GFRA1: variants seen among roughly 807,000 people sequenced by gnomAD.
GFRA1 encodes GDNF family receptor alpha-1.
GFRA1 carries 16 observed loss-of-function variants against 51.6 expected under a neutral mutation model. That is an observed-to-expected ratio of 0.31 (90% CI 0.21 to 0.47). The LOEUF (loss-of-function observed/expected upper bound fraction) is 0.47, where lower values mean the gene tolerates loss of function less well. Among genes scored for constraint, GFRA1 ranks in the 20% least tolerant of loss-of-function variants. The pLI, the probability that GFRA1 is intolerant of heterozygous loss-of-function variation, is 1.00. For missense variants in GFRA1, 530 were observed against 594.3 expected, an observed-to-expected ratio of 0.89 and a Z score of 1.13; for synonymous variants, 270 against 241.3, an observed-to-expected ratio of 1.12 and a Z score of -1.10.
intron 5 of GFRA1, among the ~76,000 whole-genome samples, chr10:116,153,058 C>A (rs1044276920): frequency 6.6e-6 from 1 of 152,278 alleles, no homozygotes; most frequent in East Asian, 1.9e-4. Flanking sequence ...ATCCATTCAT[C>A]CATCCAACAA....
At chr10:116,249,114 C>A (rs1258795216) in intron 4 of GFRA1, among the ~76,000 whole-genome samples, 1 of 152,254 alleles carries the variant, frequency 6.6e-6, no homozygotes, top group Non-Finnish European at 1.5e-5. Flanking sequence ...AGCCTCATCA[C>A]CGGTGCTCAG....
At chr10:116,185,475 G>T (rs1314926362) in intron 5 of GFRA1, among the ~76,000 whole-genome samples, 1 of 152,066 alleles carries the variant, frequency 6.6e-6, no homozygotes, top group East Asian at 1.9e-4. Flanking sequence ...TGCACCTGTG[G>T]CCCTCAAAGG....
At position 116,166,780 on chromosome 10, in the gene GFRA1, C is replaced by CTTCTTTTTTT. The variant is rs1267031089; in HGVS notation, c.434-41224_434-41223insAAAAAAAGAA. ...TCCCTTGAAGGATAGCAACAATCTT[C>CTTCTTTTTTT]TTTTTTTTTTTTTTTTTTTTTTTTT... On this transcript the variant is annotated intron_variant, in intron 5 of 10. Coordinates refer to ENST00000355422, the MANE Select transcript of GFRA1 (RefSeq NM_005264.8). Among the ~76,000 whole-genome samples, 12 of 76,446 alleles carry CTTCTTTTTTT rather than the reference C, an allele frequency of 1.6e-4. 1 individual carries two copies. Among genetic ancestry groups the CTTCTTTTTTT allele is most frequent in the African/African-American group, 6.5e-4 (11 of 17,022 alleles). The allele number at this position is 76,446 out of a possible 152,430, so 50.2% of individuals were successfully genotyped here.
intron 6 of GFRA1, among the ~76,000 whole-genome samples, chr10:116,124,693 G>A (rs59898368): frequency 0.053 from 8,041 of 152,228 alleles, 729 homozygotes; most frequent in African/African-American, 0.18. Flanking sequence ...GATGAGCTAA[G>A]TGGGAAGGTG....
chr10:116,086,553 T>A (rs1412671161), intron 9 of GFRA1, among the ~76,000 whole-genome samples: 1 of 152,142 alleles, frequency 6.6e-6, no homozygotes, highest in Admixed American at 6.5e-5. Context: ...CCTGCCCTTA[T>A]CCCTTATTCC....
At position 116,085,018 on chromosome 10, in the gene GFRA1, A is replaced by G. The variant is rs367730404; in HGVS notation, c.1197+4723T>C. Among the ~76,000 whole-genome samples, 9 of 152,322 alleles carry G rather than the reference A, an allele frequency of 5.9e-5. No homozygotes were observed. The East Asian group carries it at 1.2e-3, about 20-fold the overall frequency. On this transcript the variant is annotated intron_variant, in intron 9 of 10. Transcript: ENST00000355422. ...GACTGCCAATTAATCCTGAAATGGGAGCTTGGCGGGTAACCCAAAACCCGG... is the reference window on the plus strand; with the variant it reads ...GACTGCCAATTAATCCTGAAATGGGGGCTTGGCGGGTAACCCAAAACCCGG...
chr10:116,167,001 G>A (rs998921628), intron 5 of GFRA1, among the ~76,000 whole-genome samples: 2 of 151,390 alleles, frequency 1.3e-5, no homozygotes, highest in African/African-American at 4.9e-5. Context: ...GGGTTTCATC[G>A]TGTTAGCCAG....
intron 5 of GFRA1, among the ~76,000 whole-genome samples, chr10:116,166,109 C>T (rs775561901): frequency 7.9e-5 from 12 of 152,160 alleles, no homozygotes; most frequent in Non-Finnish European, 1.6e-4. Flanking sequence ...CCATCCATGC[C>T]CCTTCAAAGG....
At chr10:116,119,866 A>T (rs1334470416) in intron 6 of GFRA1, among the ~76,000 whole-genome samples, 1 of 152,262 alleles carries the variant, frequency 6.6e-6, no homozygotes, top group East Asian at 1.9e-4. Context: ...CAGTTGCCTG[A>T]TCGACCAACT....
chr10:116,209,321 G>A (rs1337859793), intron 5 of GFRA1, among the ~76,000 whole-genome samples: 1 of 152,170 alleles, frequency 6.6e-6, no homozygotes, highest in Non-Finnish European at 1.5e-5. Context: ...AACATCTGAT[G>A]TTGTCAACTG....
At chr10:116,071,509 G>T (rs1955391349) in intron 9 of GFRA1, among the ~76,000 whole-genome samples, 1 of 152,152 alleles carries the variant, frequency 6.6e-6, no homozygotes, top group Non-Finnish European at 1.5e-5. Context: ...TCCAATAATG[G>T]GTGCATAGTG....
chr10:116,109,683 A>T (rs868466594), intron 6 of GFRA1, among the ~76,000 whole-genome samples: 6 of 152,122 alleles, frequency 3.9e-5, no homozygotes, highest in Non-Finnish European at 8.8e-5. Context: ...CGCATCCCCA[A>T]GCAGCCTTCC....
chr10:116,173,352 T>C (rs991341931), intron 5 of GFRA1, among the ~76,000 whole-genome samples: 1 of 152,064 alleles, frequency 6.6e-6, no homozygotes, highest in Non-Finnish European at 1.5e-5. Flanking sequence ...ATTGGAGGGT[T>C]GATGGGGGTA....
At chr10:116,233,211 C>T (rs1368995840) in intron 4 of GFRA1, among the ~76,000 whole-genome samples, 1 of 151,906 alleles carries the variant, frequency 6.6e-6, no homozygotes, top group Non-Finnish European at 1.5e-5. Context: ...ACCTGTAATC[C>T]CAGCTACTCA....
In GFRA1 at chr10:116,200,241, C is replaced by T. The variant is rs72836342; in HGVS notation, c.433+11390G>A. Among the ~76,000 whole-genome samples, 704 of 152,232 alleles carry T rather than the reference C, an allele frequency of 4.6e-3. 4 individuals carry two copies. Among genetic ancestry groups the T allele is most frequent in the Middle Eastern group, 0.01 (3 of 294 alleles). ...TGGGGCCTGGGTGAGATCTCTGGCC[C>T]GATTATGGCACTGTCTATCTTGATC... On this transcript the variant is annotated intron_variant, in intron 5 of 10. Transcript: ENST00000355422.
intron 4 of GFRA1, among the ~76,000 whole-genome samples, chr10:116,214,215 T>G (rs768527868): frequency 6.6e-6 from 1 of 152,234 alleles, no homozygotes; most frequent in Non-Finnish European, 1.5e-5. Context: ...ACAGCCACTG[T>G]GAAGTTTATT....
intron 5 of GFRA1, among the ~76,000 whole-genome samples, chr10:116,168,825 T>G (rs1039504117): frequency 6.6e-6 from 1 of 152,198 alleles, no homozygotes; most frequent in Admixed American, 6.5e-5. Flanking sequence ...GCCATCCACA[T>G]CCAGCATGCA....
At chr10:116,210,464 A>G (rs768073338) in intron 5 of GFRA1, among the ~76,000 whole-genome samples, 1 of 152,234 alleles carries the variant, frequency 6.6e-6, no homozygotes, top group African/African-American at 2.4e-5. Context: ...CAGCACTTTC[A>G]TTACACGAAC....
chr10:116,243,894 CAAGAAACAAA>C (rs1967625582), intron 4 of GFRA1, among the ~76,000 whole-genome samples: 1 of 152,026 alleles, frequency 6.6e-6, no homozygotes, highest in Non-Finnish European at 1.5e-5. Flanking sequence ...GGCCTGGGGA[CAAGAAACAAA>C]AAGAAACATG....
Sources: allele counts gnomAD v4.1 joint callset (sites outside exome capture counted in the v4.1 genomes callset), GRCh38; gene constraint gnomAD v4.1.1; transcripts MANE v1.5; gene names NCBI Gene and HGNC (gene_info 2026-07-23, HGNC 2026-07-21).